The following LUZP2 variants were observed in gnomAD, a reference collection of about 807,000 sequenced individuals.
The protein encoded by LUZP2 is leucine zipper protein 2.
LUZP2 carries 52 observed loss-of-function variants against 51.6 expected under a neutral mutation model. That is an observed-to-expected ratio of 1.01 (90% CI 0.81 to 1.27). LUZP2 has a LOEUF of 1.27. LUZP2 is among the 50% of genes most tolerant of loss of function. LUZP2 has a pLI of 0.00. For synonymous variants in LUZP2, 154 were observed against 137.3 expected (o/e 1.12, Z -0.85); for missense variants, 436 against 395.4 (o/e 1.10, Z -0.87).
chr11:24,690,012 A>G (rs553846039), intron 1 of LUZP2, among the ~76,000 whole-genome samples: 8 of 152,044 alleles, frequency 5.3e-5, no homozygotes, highest in Non-Finnish European at 1.2e-4. Flanking sequence ...TTATACATGT[A>G]TTTCTCTATT....
chr11:24,807,218 G>A (rs748447160), intron 5 of LUZP2, among the ~76,000 whole-genome samples: 3 of 152,064 alleles, frequency 2.0e-5, no homozygotes, highest in Non-Finnish European at 4.4e-5. Flanking sequence ...CATTTTGGGA[G>A]GCCAAGGTGG....
intron 1 of LUZP2, among the ~76,000 whole-genome samples, chr11:24,677,085 C>T (rs1212234129): frequency 6.6e-6 from 1 of 151,552 alleles, no homozygotes. Context: ...TTTACCTTTT[C>T]TGCCTCCTAA....
At chr11:24,653,781 C>A (rs187353994) in intron 1 of LUZP2, among the ~76,000 whole-genome samples, 1 of 152,108 alleles carries the variant, frequency 6.6e-6, no homozygotes, top group East Asian at 1.9e-4. Flanking sequence ...AGAAGGCAAG[C>A]GAAGAGTTTC....
At chr11:25,010,569 G>A (rs983693614) in intron 9 of LUZP2, among the ~76,000 whole-genome samples, 5 of 149,086 alleles carry the variant, frequency 3.4e-5, no homozygotes, top group East Asian at 2.0e-4. Context: ...CAATAAGGCC[G>A]GGAGTGGTGG....
intron 9 of LUZP2, among the ~76,000 whole-genome samples, chr11:24,994,790 T>G (rs1856447202): frequency 6.6e-6 from 1 of 152,184 alleles, no homozygotes; most frequent in South Asian, 2.1e-4. Context: ...CTTTAAAATG[T>G]CCTTGCTAGT....
At chr11:24,761,086 T>C (rs992953331) in intron 4 of LUZP2, among the ~76,000 whole-genome samples, 3 of 152,296 alleles carry the variant, frequency 2.0e-5, no homozygotes, top group Admixed American at 1.3e-4. Flanking sequence ...TTCCACATCC[T>C]GTGTATTAAT....
chr11:24,779,009 C>T (rs868478338), intron 5 of LUZP2, among the ~76,000 whole-genome samples: 1 of 152,090 alleles, frequency 6.6e-6, no homozygotes, highest in South Asian at 2.1e-4. Flanking sequence ...TAGAGATTTT[C>T]TGAGCATTTC....
chr11:24,685,231 C>G (rs116262355), intron 1 of LUZP2, among the ~76,000 whole-genome samples: 10 of 152,182 alleles, frequency 6.6e-5, no homozygotes, highest in South Asian at 2.1e-4. Flanking sequence ...AAGCTGCCAT[C>G]GAGAAAACCA....
intron 5 of LUZP2, among the ~76,000 whole-genome samples, chr11:24,902,366 C>T (rs1853305891): frequency 6.6e-6 from 1 of 152,066 alleles, no homozygotes; most frequent in South Asian, 2.1e-4. Flanking sequence ...TCTTTGTGTC[C>T]ATGAAGCACA....
At chr11:24,850,458 C>G (rs1851356755) in intron 5 of LUZP2, among the ~76,000 whole-genome samples, 1 of 152,048 alleles carries the variant, frequency 6.6e-6, no homozygotes, top group Non-Finnish European at 1.5e-5. Flanking sequence ...TCTGAGGCCT[C>G]TGTTCTGTTC....
At chr11:25,005,688 C>T (rs939634523) in intron 9 of LUZP2, among the ~76,000 whole-genome samples, 3 of 152,156 alleles carry the variant, frequency 2.0e-5, no homozygotes. Flanking sequence ...TAGTTGTGCT[C>T]ACCGACGCAG....
intron 7 of LUZP2, among the ~76,000 whole-genome samples, chr11:24,963,834 G>C (rs1470260935): frequency 6.6e-6 from 1 of 152,132 alleles, no homozygotes; most frequent in East Asian, 1.9e-4. Context: ...AGATGGAAAT[G>C]CAGAAATCAC....
At chr11:24,659,858 C>T (rs1010150453) in intron 1 of LUZP2, among the ~76,000 whole-genome samples, 2 of 152,010 alleles carry the variant, frequency 1.3e-5, no homozygotes, top group African/African-American at 2.4e-5. Context: ...TGAATATGAG[C>T]AGAATCTATG....
intron 5 of LUZP2, among the ~76,000 whole-genome samples, chr11:24,835,046 C>A (rs1000579172): frequency 2.6e-5 from 4 of 151,970 alleles, no homozygotes; most frequent in Admixed American, 2.6e-4. Flanking sequence ...CTGTAGGTTG[C>A]CTGTTCACTC....
intron 5 of LUZP2, among the ~76,000 whole-genome samples, chr11:24,822,051 T>C (rs1056037046): frequency 5.9e-5 from 9 of 151,450 alleles, no homozygotes; most frequent in African/African-American, 1.9e-4. Flanking sequence ...TTTGAATAAT[T>C]GGGTTAGGAT....
At chr11:24,613,003 C>T (rs1207918759) in intron 1 of LUZP2, among the ~76,000 whole-genome samples, 1 of 152,030 alleles carries the variant, frequency 6.6e-6, no homozygotes, top group Non-Finnish European at 1.5e-5. Context: ...TGTGAAGAAT[C>T]CACAGGAAAC....
chr11:24,935,796 T>C (rs1160519836), intron 7 of LUZP2, among the ~76,000 whole-genome samples: 1 of 152,198 alleles, frequency 6.6e-6, no homozygotes, highest in Non-Finnish European at 1.5e-5. Context: ...GAATTAATGG[T>C]AAAATTTGGA....
At chr11:25,046,276 G>C (rs565344001) in intron 9 of LUZP2, among the ~76,000 whole-genome samples, 17 of 151,426 alleles carry the variant, frequency 1.1e-4, no homozygotes, top group Admixed American at 9.2e-4. Flanking sequence ...GGAAAGATGA[G>C]CAGCTACTGA....
intron 9 of LUZP2, among the ~76,000 whole-genome samples, chr11:25,035,770 T>C (rs112275044): frequency 6.6e-6 from 1 of 152,096 alleles, no homozygotes; most frequent in African/African-American, 2.4e-5. Context: ...GAGTCACATT[T>C]ATTGATTTAC....
Sources: gnomAD v4.1 joint callset for allele counts (sites outside exome capture counted in the v4.1 genomes callset) on GRCh38, gnomAD v4.1.1 for gene constraint, MANE v1.5 for transcripts, NCBI Gene and HGNC (gene_info 2026-07-23, HGNC 2026-07-21) for gene names.